Variants in PCDHA13 observed in about 807,000 individuals in gnomAD.
PCDHA13 encodes protocadherin alpha-13.
In PCDHA13, 54 loss-of-function variants were observed where a neutral mutation model predicts 64.8. The observed-to-expected ratio is 0.83, with a 90% CI of 0.67 to 1.04. The LOEUF (loss-of-function observed/expected upper bound fraction) is 1.04. PCDHA13 is among the 50% of genes least tolerant of loss of function. The probability of loss-of-function intolerance (pLI) is 0.00; values close to 1 mark genes in which losing one functional copy is unlikely to be tolerated. For synonymous variants in PCDHA13, 587 were observed against 564.4 expected, an observed-to-expected ratio of 1.04 and a Z score of -0.57; for missense variants, 1,248 against 1,254.3, an observed-to-expected ratio of 0.99 and a Z score of 0.08.
intron 1 of PCDHA13, among the ~76,000 whole-genome samples, chr5:140,939,514 A>G (rs1280466076): frequency 2.0e-5 from 3 of 152,236 alleles, no homozygotes; most frequent in African/African-American, 7.2e-5. Flanking sequence ...TATAACATTA[A>G]TAGTTATAGA....
chr5:140,896,432 G>C (rs2065542713), intron 1 of PCDHA13, among the ~76,000 whole-genome samples: 1 of 152,008 alleles, frequency 6.6e-6, no homozygotes, highest in African/African-American at 2.4e-5. Context: ...ATTCTGACTG[G>C]TGTGACTGCA....
At chr5:140,896,470 C>T (rs1583233416) in intron 1 of PCDHA13, among the ~76,000 whole-genome samples, 2 of 151,962 alleles carry the variant, frequency 1.3e-5, no homozygotes, top group South Asian at 4.2e-4. Context: ...TCAAGCGGTT[C>T]TCCTGCCTCA....
At chr5:140,917,332 G>GT (rs1293292013) in intron 1 of PCDHA13, among the ~76,000 whole-genome samples, 2 of 145,540 alleles carry the variant, frequency 1.4e-5, no homozygotes, top group Non-Finnish European at 3.0e-5. Flanking sequence ...GGCGGGGGAG[G>GT]GGGGGGATGG....
At chr5:141,000,030 C>T (rs1261016075) in intron 3 of PCDHA13, among the ~76,000 whole-genome samples, 3 of 152,058 alleles carry the variant, frequency 2.0e-5, no homozygotes, top group African/African-American at 7.2e-5. Flanking sequence ...GCCTGACATC[C>T]AATCACACAC....
rs1419215366 is a variant in PCDHA13, at chr5:141,010,888, T to G, written c.*951T>G. 2 of 153,748 alleles carry G rather than the reference T, an allele frequency of 1.3e-5. No homozygotes were observed. The highest frequency in any genetic ancestry group is 2.9e-5 in the Non-Finnish European group (2 of 68,032). The allele number at this position is 153,748 out of a possible 1,614,324, so 9.5% of individuals were successfully genotyped here. On this transcript the variant is annotated 3_prime_UTR_variant, in exon 4 of 4. Coordinates refer to ENST00000289272, the MANE Select transcript of PCDHA13 (RefSeq NM_018904.3). Reference sequence around the variant, plus strand: ...AGCTATAAATCTTTAAAGAGAAATATGAATACAATTCCCCTAAACTCTCCT... The same window carrying G: ...AGCTATAAATCTTTAAAGAGAAATAGGAATACAATTCCCCTAAACTCTCCT...
chr5:140,897,561 G>A (rs1168105225), intron 1 of PCDHA13, among the ~76,000 whole-genome samples: 1 of 151,976 alleles, frequency 6.6e-6, no homozygotes, highest in Non-Finnish European at 1.5e-5. Flanking sequence ...GTGTATATGT[G>A]CCACATTTTC....
chr5:140,884,515 G>T lies in PCDHA13; in HGVS notation c.2247G>T (p.Ser749=). Residue 749 remains serine (S), a synonymous_variant, in exon 1 of 4, where the codon TCG becomes TCT. Transcript: ENST00000289272. ...LVCSSAAGSW[S]YSQQRRPRVC... is the part of the protein sequence containing the mutation. Reference sequence around the variant, plus strand: ...GCTCCAGCGCGGCAGGGAGTTGGTCGTACTCGCAGCAGAGGCGGCCGAGGG... The same window carrying T: ...GCTCCAGCGCGGCAGGGAGTTGGTCTTACTCGCAGCAGAGGCGGCCGAGGG... The T allele has an allele frequency of 6.2e-6, 10 of 1,614,176 alleles. No individual in the cohort carries two copies. The highest frequency in any genetic ancestry group is 1.1e-5 in the South Asian group (1 of 91,072).
intron 1 of PCDHA13, chr5:140,969,445 A>G (rs2096331821): frequency 1.9e-6 from 3 of 1,542,150 alleles, no homozygotes; most frequent in Non-Finnish European, 2.6e-6. Context: ...TATCTGGTAA[A>G]CTGAGTATAT....
At chr5:140,978,397 C>G (rs2096799745) in intron 1 of PCDHA13, among the ~76,000 whole-genome samples, 1 of 152,080 alleles carries the variant, frequency 6.6e-6, no homozygotes, top group Non-Finnish European at 1.5e-5. Flanking sequence ...CCCTAGTATC[C>G]CTCTTCAATC....
intron 1 of PCDHA13, among the ~76,000 whole-genome samples, chr5:140,951,817 C>T (rs981107617): frequency 6.6e-6 from 1 of 152,146 alleles, no homozygotes; most frequent in Non-Finnish European, 1.5e-5. Flanking sequence ...CCCTCAAAGT[C>T]TGAACTCATT....
At position 140,882,855 on chromosome 5, in the gene PCDHA13, T is replaced by C; in HGVS notation, c.587T>C (p.Leu196Pro). 6.2e-7 allele frequency: 1 copy of C among 1,614,230 alleles called. No homozygotes were observed. Among genetic ancestry groups the C allele is most frequent in the Non-Finnish European group, 8.5e-7 (1 of 1,180,038 alleles). ...LEQMSSLSLV[L>P]RKTLDREEIQ... ...CAAATGTCTTCATTATCACTTGTAC[T>C]GAGGAAAACACTGGACAGAGAGGAA... The change falls in exon 1 of 4, where the codon CTG becomes CCG. Residue 196 changes from leucine to proline, a missense_variant. Physicochemically the swap from Leu to Pro is moderately conservative, Grantham distance 98. Coordinates refer to ENST00000289272, the MANE Select transcript of PCDHA13 (RefSeq NM_018904.3).
At chr5:140,982,240 A>G (rs1257297614) in intron 2 of PCDHA13, 14 of 694,558 alleles carry the variant, frequency 2.0e-5, no homozygotes, top group Admixed American at 3.6e-5. Flanking sequence ...CAGAATTGCC[A>G]TAAAGATAGA....
At chr5:140,902,437 T>A (rs2069464443) in intron 1 of PCDHA13, among the ~76,000 whole-genome samples, 3 of 152,154 alleles carry the variant, frequency 2.0e-5, no homozygotes, top group Admixed American at 2.0e-4. Context: ...GGCATCCTTG[T>A]CATATTCTAG....
In PCDHA13 at chr5:140,961,136, G is replaced by A. The variant is rs1474839905; in HGVS notation, c.2395-17813G>A. On this transcript the variant is annotated intron_variant, in intron 1 of 3. Coordinates refer to ENST00000289272, the MANE Select transcript of PCDHA13 (RefSeq NM_018904.3). ...TGCATCTTAATGTCTTGGCACTTAA[G>A]AGTTGGCATATTATTTCAGTACATA... is the stretch of plus-strand genomic sequence containing the variant. Among the ~76,000 whole-genome samples the A allele has an allele frequency of 3.9e-5, 6 of 152,270 alleles. No homozygotes were observed. The East Asian group carries it at 1.2e-3, about 29-fold the overall frequency.
At chr5:140,955,241 A>T (rs1554221829) in intron 1 of PCDHA13, among the ~76,000 whole-genome samples, 1 of 152,114 alleles carries the variant, frequency 6.6e-6, no homozygotes, top group East Asian at 1.9e-4. Context: ...TTTGCTTAGG[A>T]TCGGCTTGGC....
At chr5:140,893,762 T>A (rs1337056301) in intron 1 of PCDHA13, among the ~76,000 whole-genome samples, 1 of 152,196 alleles carries the variant, frequency 6.6e-6, no homozygotes, top group Non-Finnish European at 1.5e-5. Context: ...TATAGGTGAC[T>A]TGTCACTTTT....
chr5:140,950,694 T>C (rs1361506103), intron 1 of PCDHA13, among the ~76,000 whole-genome samples: 4 of 152,104 alleles, frequency 2.6e-5, no homozygotes, highest in African/African-American at 9.7e-5. Flanking sequence ...TAACCAAATT[T>C]GACAAATTTT....
chr5:141,007,079 TAGAGA>T (rs1308407580), intron 3 of PCDHA13, among the ~76,000 whole-genome samples: 1 of 151,804 alleles, frequency 6.6e-6, no homozygotes, highest in African/African-American at 2.4e-5. Flanking sequence ...GAAGAGAAAA[TAGAGA>T]AGAGAGTCTA....
rs28619398 is a variant in PCDHA13 at position 140,895,037 on chromosome 5, C to T, written c.2394+10375C>T. 4.7e-3 allele frequency among the ~76,000 whole-genome samples: 720 copies of T among 152,250 alleles called. 7 individuals are homozygous for T. The highest frequency in any genetic ancestry group is 0.016 in the African/African-American group (670 of 41,558). ...TTTTCCTTTGTTTAATTGTCCCCCA[C>T]CCACACCATTCTGCTTCATATGGAC... is the stretch of plus-strand genomic sequence containing the variant. On this transcript the variant is annotated intron_variant, in intron 1 of 3. Transcript: ENST00000289272.
Sources: gnomAD v4.1 joint callset for allele counts (sites outside exome capture counted in the v4.1 genomes callset) on GRCh38, gnomAD v4.1.1 for gene constraint, MANE v1.5 for transcripts, NCBI Gene and HGNC (gene_info 2026-07-23, HGNC 2026-07-21) for gene names.